The following CCZ1B variants were observed in gnomAD, a reference collection of about 807,000 sequenced individuals.
CCZ1B encodes vacuolar fusion protein CCZ1 homolog B.
CCZ1B carries 25 observed loss-of-function variants against 58.8 expected under a neutral mutation model. That is an observed-to-expected ratio of 0.43 (90% confidence interval 0.31 to 0.59). CCZ1B has a LOEUF of 0.59. Among genes scored for constraint, CCZ1B ranks in the 20% least tolerant of loss-of-function variants. The pLI is 0.12. For missense variants in CCZ1B, 180 were observed against 501.5 expected (o/e 0.36, Z 6.12); for synonymous variants, 66 against 173.2 (o/e 0.38, Z 4.86).
At chr7:6,818,321 G>C (rs917605672) in intron 7 of CCZ1B, among the ~76,000 whole-genome samples, 1 of 149,698 alleles carries the variant, frequency 6.7e-6, no homozygotes, top group Non-Finnish European at 1.5e-5. Flanking sequence ...GGCCAATGCA[G>C]GCGAATCACC....
chr7:6,800,628 CACTGCACTCCAGCCTGTGTG>C (rs1274976404), intron 14 of CCZ1B, among the ~76,000 whole-genome samples: 2 of 137,792 alleles, frequency 1.5e-5, no homozygotes, highest in African/African-American at 2.8e-5. Context: ...ATGATTGCAC[CACTGCACTCCAGCCTGTGTG>C]ACAAAGTGAG....
chr7:6,801,854 G>T (rs1433175511), intron 12 of CCZ1B, among the ~76,000 whole-genome samples: 1 of 112,956 alleles, frequency 8.9e-6, no homozygotes, highest in African/African-American at 3.2e-5. Flanking sequence ...GATTACAGGC[G>T]TGAGCCCCCG....
At chr7:6,804,508 T>C (rs1381756998) in intron 12 of CCZ1B, among the ~76,000 whole-genome samples, 1 of 111,254 alleles carries the variant, frequency 9.0e-6, no homozygotes, top group Non-Finnish European at 1.8e-5. Flanking sequence ...TCCCACTCAG[T>C]GTAGACACTT....
rs975350342 is a variant in CCZ1B, at chr7:6,819,648, C to G, written c.698+118G>C. ...TATTTTGACAATATCTATGAAGATG[C>G]TTCCTACCCATCCTCCCCGCTGCAA... On this transcript the variant is annotated intron_variant, in intron 7 of 14. Coordinates refer to ENST00000316731, the MANE Select transcript of CCZ1B (RefSeq NM_198097.5). 2.8e-5 allele frequency: 17 copies of G among 616,544 alleles called. 1 individual carries two copies. Among genetic ancestry groups the G allele is most frequent in the Non-Finnish European group, 2.9e-6 (1 of 349,576 alleles). The allele number at this position is 616,544 out of a possible 1,614,324, so 38.2% of individuals were successfully genotyped here. A position where few individuals can be genotyped will look rare whatever the true frequency, so the allele number is the denominator to read the frequency against.
At chr7:6,810,090 C>G (rs1782896037) in intron 10 of CCZ1B, among the ~76,000 whole-genome samples, 2 of 150,702 alleles carry the variant, frequency 1.3e-5, no homozygotes, top group Admixed American at 6.6e-5. Flanking sequence ...CAGCTCACTG[C>G]AACCTCCGCC....
chr7:6,825,641 CCACA>C (rs376938545), intron 1 of CCZ1B, among the ~76,000 whole-genome samples: 10 of 87,282 alleles, frequency 1.1e-4, no homozygotes, highest in Non-Finnish European at 1.5e-4. Context: ...CTCAGAAAAA[CCACA>C]CACACACACA....
At chr7:6,819,383 G>GCC (rs2115125718) in intron 7 of CCZ1B, among the ~76,000 whole-genome samples, 1 of 147,832 alleles carries the variant, frequency 6.8e-6, no homozygotes, top group South Asian at 2.1e-4. Flanking sequence ...TTACAGGCAT[G>GCC]CACCACCACG....
chr7:6,821,940 C>T (rs1783118060), intron 6 of CCZ1B, among the ~76,000 whole-genome samples: 1 of 149,552 alleles, frequency 6.7e-6, no homozygotes. Flanking sequence ...ATTAAGTTTT[C>T]CTTATCAACT....
chr7:6,818,600 A>AC (rs1290590574), intron 7 of CCZ1B, among the ~76,000 whole-genome samples: 19 of 134,858 alleles, frequency 1.4e-4, no homozygotes, highest in Middle Eastern at 7.2e-3. Flanking sequence ...AGACAGAAAG[A>AC]AAGAAAGAAA....
intron 10 of CCZ1B, among the ~76,000 whole-genome samples, chr7:6,808,568 T>G (rs1388563365): frequency 6.6e-6 from 1 of 150,634 alleles, no homozygotes; most frequent in African/African-American, 2.5e-5. Flanking sequence ...CAGCTGTGAG[T>G]GCCGCCATTC....
chr7:6,822,821 C>G (rs1783133141), intron 5 of CCZ1B, among the ~76,000 whole-genome samples: 1 of 143,762 alleles, frequency 7.0e-6, no homozygotes, highest in Admixed American at 7.1e-5. Flanking sequence ...CCCACCTCAG[C>G]CTCCCAGGTA....
chr7:6,822,159 G>A, intron 6 of CCZ1B, 122 bp downstream of exon 6: 2 of 1,433,434 alleles, frequency 1.4e-6, no homozygotes, highest in Non-Finnish European at 1.9e-6. Context: ...GTCTGTCTCA[G>A]GCTCTTTGCC....
chr7:6,823,190 C>A, intron 5 of CCZ1B, 123 bp downstream of exon 5: 3 of 1,270,866 alleles, frequency 2.4e-6, no homozygotes, highest in Non-Finnish European at 3.2e-6. Flanking sequence ...TCATTATTTT[C>A]TTCTCTAAGA....
At position 6,818,223 on chromosome 7, in the gene CCZ1B, T is replaced by G. The variant is rs1287532740; in HGVS notation, c.698+1543A>C. 1.3e-5 allele frequency among the ~76,000 whole-genome samples: 2 copies of G among 149,670 alleles called. 1 individual carries two copies. Among genetic ancestry groups the G allele is most frequent in the Non-Finnish European group, 3.0e-5 (2 of 67,656 alleles). On this transcript the variant is annotated intron_variant, in intron 7 of 14. Transcript: ENST00000316731. The stretch of plus-strand genomic sequence containing the variant: ...TTTTCTATTAGCTGAACTTACCTTA[T>G]AGTAGTACCATATGGCCACACCCCT...
chr7:6,813,632 T>C (rs188065555), intron 8 of CCZ1B, among the ~76,000 whole-genome samples: 9 of 149,468 alleles, frequency 6.0e-5, no homozygotes, highest in African/African-American at 2.0e-4. Context: ...AAAATGATTT[T>C]TGTGTGTTAA....
chr7:6,814,586 T>C (rs924086605), intron 8 of CCZ1B, 178 bp downstream of exon 8: 1 of 484,060 alleles, frequency 2.1e-6, no homozygotes, highest in African/African-American at 2.1e-5. Flanking sequence ...TGTCACATAC[T>C]GGAGGAGAGC....
At chr7:6,811,159 C>T (rs1459788310) in intron 10 of CCZ1B, among the ~76,000 whole-genome samples, 3 of 151,116 alleles carry the variant, frequency 2.0e-5, no homozygotes, top group South Asian at 2.1e-4. Context: ...CCCACCTTTC[C>T]AGGCCCAGGC....
chr7:6,820,090 A>C, intron 6 of CCZ1B, 149 bp from the exon 7 acceptor site: 1 of 1,141,930 alleles, frequency 8.8e-7, no homozygotes, highest in Non-Finnish European at 1.3e-6. Flanking sequence ...TGGTGAAGAC[A>C]TGGGTGACTG....
chr7:6,817,837 A>C (rs577585461), intron 7 of CCZ1B, among the ~76,000 whole-genome samples: 1 of 148,574 alleles, frequency 6.7e-6, no homozygotes, highest in South Asian at 2.1e-4. Context: ...ACATGGTAAA[A>C]CCCCGTCTCT....
Sources: allele counts gnomAD v4.1 joint callset (sites outside exome capture counted in the v4.1 genomes callset), GRCh38; gene constraint gnomAD v4.1.1; transcripts MANE v1.5; gene names NCBI Gene and HGNC (gene_info 2026-07-23, HGNC 2026-07-21).